The following STPG2 variants were observed in gnomAD, a reference collection of about 807,000 sequenced individuals.
STPG2 encodes the protein sperm-tail PG-rich repeat-containing protein 2.
STPG2 carries 56 observed loss-of-function variants against 54.2 expected under a neutral mutation model. The ratio of observed to expected loss-of-function variants is 1.03; its 90% confidence interval spans 0.83 to 1.29. The LOEUF is 1.29. Among genes scored for constraint, STPG2 ranks in the 50% most tolerant of loss-of-function variants. STPG2 has a pLI of 0.00. For synonymous variants in STPG2, 200 were observed against 181.8 expected (o/e 1.10, Z -0.81); for missense variants, 596 against 544.9 (o/e 1.09, Z -0.93).
intron 7 of STPG2, among the ~76,000 whole-genome samples, chr4:97,966,239 C>A (rs1734092699): frequency 6.6e-6 from 1 of 152,114 alleles, no homozygotes. Context: ...GATGCATGCA[C>A]AAGCTTCAAT....
At chr4:98,078,103 A>T (rs951633947) in intron 5 of STPG2, among the ~76,000 whole-genome samples, 1 of 152,022 alleles carries the variant, frequency 6.6e-6, no homozygotes, top group African/African-American at 2.4e-5. Flanking sequence ...AGAGAGAGAG[A>T]AAAAAAAGAG....
intron 4 of STPG2, among the ~76,000 whole-genome samples, chr4:97,508,613 G>C (rs1730903948): frequency 6.6e-6 from 1 of 151,654 alleles, no homozygotes; most frequent in Admixed American, 6.6e-5. Flanking sequence ...CAGTATTACT[G>C]TGTTATTCAA....
Position 97,501,146 on chromosome 4 carries a change from A to T in STPG2, c.462+211553T>A, listed in dbSNP as rs115886704. 2.8e-3 allele frequency among the ~76,000 whole-genome samples: 430 copies of T among 152,188 alleles called. 3 individuals carry two copies. The highest frequency in any genetic ancestry group is 9.6e-3 in the African/African-American group (398 of 41,572). ...GGATACGTACAGGAAAGGTTCATGA[A>T]TACTACCAAATACACAAGTTAGAGA... On this transcript the variant is annotated intron_variant, in intron 4 of 4. Coordinates refer to the STPG2 transcript ENST00000522676.
At chr4:97,582,925 C>A (rs946249436) in intron 10 of STPG2, among the ~76,000 whole-genome samples, 1 of 152,008 alleles carries the variant, frequency 6.6e-6, no homozygotes, top group Non-Finnish European at 1.5e-5. Flanking sequence ...AAGAATGTGA[C>A]AATTTCCTGA....
intron 4 of STPG2, among the ~76,000 whole-genome samples, chr4:97,453,466 T>C (rs1244882617): frequency 6.6e-6 from 1 of 152,166 alleles, no homozygotes; most frequent in African/African-American, 2.4e-5. Context: ...CCAGCGGGCC[T>C]GAGCAAAACT....
intron 10 of STPG2, among the ~76,000 whole-genome samples, chr4:97,563,794 G>C (rs1732333560): frequency 6.6e-6 from 1 of 152,124 alleles, no homozygotes; most frequent in African/African-American, 2.4e-5. Flanking sequence ...TTGCACTGTG[G>C]TCTGAGAGAC....
intron 3 of STPG2, among the ~76,000 whole-genome samples, chr4:98,120,977 G>A (rs1302037336): frequency 1.2e-4 from 18 of 152,110 alleles, no homozygotes; most frequent in Admixed American, 1.2e-3. Flanking sequence ...ATTTTTGCCT[G>A]TGCCTATGTT....
At chr4:97,985,425 G>A (rs1734800956) in intron 5 of STPG2, among the ~76,000 whole-genome samples, 1 of 152,094 alleles carries the variant, frequency 6.6e-6, no homozygotes, top group Admixed American at 6.6e-5. Flanking sequence ...GAAATATTGT[G>A]TATTTAAAAT....
intron 8 of STPG2, among the ~76,000 whole-genome samples, chr4:97,896,825 G>C (rs1467572467): frequency 6.6e-6 from 1 of 151,738 alleles, no homozygotes; most frequent in Non-Finnish European, 1.5e-5. Context: ...TACAATGAAA[G>C]AAAAATTCAC....
intron 8 of STPG2, chr4:97,916,712 T>C (rs968854): frequency 0.58 from 89,343 of 152,860 alleles, 26,732 homozygotes; most frequent in East Asian, 0.74. Flanking sequence ...ATCCCACCCT[T>C]GCCCACCAGC....
chr4:97,987,225 G>A (rs964950864), intron 5 of STPG2, among the ~76,000 whole-genome samples: 1 of 152,096 alleles, frequency 6.6e-6, no homozygotes, highest in Admixed American at 6.6e-5. Context: ...AAACTTTGCT[G>A]CCCTCTACTG....
intron 5 of STPG2, among the ~76,000 whole-genome samples, chr4:98,021,394 T>C (rs1736184260): frequency 6.7e-6 from 1 of 150,004 alleles, no homozygotes; most frequent in African/African-American, 2.5e-5. Flanking sequence ...CAGTTCGTTA[T>C]AATTTCTGTT....
chr4:97,547,422 G>A (rs1263847404), intron 4 of STPG2, among the ~76,000 whole-genome samples: 1 of 152,150 alleles, frequency 6.6e-6, no homozygotes, highest in Non-Finnish European at 1.5e-5. Context: ...GTGTTAGCCA[G>A]GATGGTCTCA....
intron 3 of STPG2, among the ~76,000 whole-genome samples, chr4:98,115,310 T>C (rs1178233957): frequency 6.6e-6 from 1 of 151,936 alleles, no homozygotes; most frequent in Non-Finnish European, 1.5e-5. Context: ...CATTAGCAAA[T>C]ATGTCAGTAT....
intron 4 of STPG2, among the ~76,000 whole-genome samples, chr4:97,460,162 C>T (rs1052723592): frequency 3.9e-5 from 6 of 152,158 alleles, no homozygotes; most frequent in African/African-American, 1.2e-4. Flanking sequence ...CACCCACTTT[C>T]CTGCATCTGC....
chr4:98,092,774 A>G (rs1302229099), intron 5 of STPG2, among the ~76,000 whole-genome samples: 1 of 152,054 alleles, frequency 6.6e-6, no homozygotes, highest in Admixed American at 6.5e-5. Context: ...TTAAAAGTCT[A>G]ATAATTTTGA....
chr4:97,680,879 A>G (rs1190377164), intron 10 of STPG2, among the ~76,000 whole-genome samples: 1 of 152,000 alleles, frequency 6.6e-6, no homozygotes, highest in African/African-American at 2.4e-5. Flanking sequence ...CTTCCCCTCC[A>G]AGATTATATC....
chr4:97,556,801 G>A (rs1242268453), downstream of STPG2, among the ~76,000 whole-genome samples: 1 of 152,086 alleles, frequency 6.6e-6, no homozygotes, highest in Non-Finnish European at 1.5e-5. Flanking sequence ...TTTTTTATAA[G>A]ATTGAAAGAA....
chr4:97,641,724 A>G (rs1266564596), intron 10 of STPG2, among the ~76,000 whole-genome samples: 1 of 151,512 alleles, frequency 6.6e-6, no homozygotes, highest in Non-Finnish European at 1.5e-5. Context: ...ATACAAATAT[A>G]TAGTACTATA....
Sources: allele counts gnomAD v4.1 joint callset (sites outside exome capture counted in the v4.1 genomes callset), GRCh38; gene constraint gnomAD v4.1.1; transcripts MANE v1.5; gene names NCBI Gene and HGNC (gene_info 2026-07-23, HGNC 2026-07-21).